The following TSPAN19 variants were observed in gnomAD, a reference collection of about 807,000 sequenced individuals.
TSPAN19 encodes tetraspanin-19.
TSPAN19 carries 44 observed loss-of-function variants against 35.1 expected under a neutral mutation model. The observed-to-expected ratio is 1.25, with a 90% CI of 0.98 to 1.61. The LOEUF (loss-of-function observed/expected upper bound fraction) is 1.61. Among genes scored for constraint, TSPAN19 ranks in the 40% most tolerant of loss-of-function variants. The pLI is 0.00. For missense variants in TSPAN19, 290 were observed against 280.0 expected (o/e 1.04, Z -0.26); for synonymous variants, 79 against 92.0 (o/e 0.86, Z 0.81).
In TSPAN19 at chr12:85,027,835, T is replaced by C. The variant is rs1283518545; in HGVS notation, c.264+64A>G. ...CATGCTAATATAAATCAGTATTCAT[T>C]TGTGTAACTTAGATACTTAAAAATC... On this transcript the variant is annotated intron_variant, in intron 4 of 8. Coordinates refer to ENST00000532498, the MANE Select transcript of TSPAN19 (RefSeq NM_001100917.2). The C allele has an allele frequency of 4.1e-6, 6 of 1,448,356 alleles. No individual in the cohort carries two copies. The Middle Eastern group carries it at 7.3e-4, about 176-fold the overall frequency. The allele number at this position is 1,448,356 out of a possible 1,614,324, so 89.7% of individuals were successfully genotyped here.
At chr12:85,035,995 C>G (rs1209690697) in intron 1 of TSPAN19, among the ~76,000 whole-genome samples, 1 of 151,906 alleles carries the variant, frequency 6.6e-6, no homozygotes, top group Non-Finnish European at 1.5e-5. Flanking sequence ...CTCTTCCATA[C>G]TTCTATGTCC....
chr12:85,030,874 G>A (rs369393418), intron 1 of TSPAN19, among the ~76,000 whole-genome samples: 46 of 152,012 alleles, frequency 3.0e-4, no homozygotes, highest in African/African-American at 1.1e-3. Context: ...TCTTCTCACT[G>A]TTTTAATTCT....
At chr12:85,019,012 C>T (rs1351089290) in intron 6 of TSPAN19, among the ~76,000 whole-genome samples, 1 of 151,834 alleles carries the variant, frequency 6.6e-6, no homozygotes, top group Non-Finnish European at 1.5e-5. Flanking sequence ...CTTACCCTTC[C>T]ACTGCACCTG....
chr12:85,029,341 C>A (rs1877573462), intron 3 of TSPAN19, among the ~76,000 whole-genome samples: 1 of 152,014 alleles, frequency 6.6e-6, no homozygotes, highest in Non-Finnish European at 1.5e-5. Context: ...TGTACATATT[C>A]ATGGGTGTTG....
At chr12:85,027,800 A>C (rs1877486038) in intron 4 of TSPAN19, 99 bp downstream of exon 4, 1 of 1,174,172 alleles carries the variant, frequency 8.5e-7, no homozygotes, top group South Asian at 1.6e-5. Flanking sequence ...GACATACTCT[A>C]CTGCAGTGCC....
In TSPAN19 at chr12:85,014,468, A is replaced by C; in HGVS notation, c.*19T>G. On this transcript the variant is annotated 3_prime_UTR_variant, in exon 9 of 9. Transcript: ENST00000532498. ...TTAAGAATTAACTGGTTTCTTCTGA[A>C]CAAATTGAAATCCAAAGGTCACATT... is the stretch of plus-strand genomic sequence containing the variant. The C allele has an allele frequency of 6.4e-7, 1 of 1,565,272 alleles. No individual in the cohort carries two copies. Among genetic ancestry groups the C allele is most frequent in the Non-Finnish European group, 8.7e-7 (1 of 1,146,150 alleles).
intron 4 of TSPAN19, among the ~76,000 whole-genome samples, chr12:85,024,278 C>G (rs570537301): frequency 4.6e-5 from 7 of 152,144 alleles, no homozygotes; most frequent in Admixed American, 2.6e-4. Flanking sequence ...AATATCTAGC[C>G]ATAAACCTTA....
At chr12:85,023,253 A>C in intron 5 of TSPAN19, 73 bp downstream of exon 5, 1 of 1,266,676 alleles carries the variant, frequency 7.9e-7, no homozygotes, top group Non-Finnish European at 1.1e-6. Flanking sequence ...CAATGGTCTC[A>C]ATACTCTAAG....
chr12:85,027,831 T>G, intron 4 of TSPAN19, 68 bp downstream of exon 4: 1 of 1,422,562 alleles, frequency 7.0e-7, no homozygotes, highest in Admixed American at 2.3e-5. Flanking sequence ...AAATCAGTAT[T>G]CATTTGTGTA....
At position 85,017,506 on chromosome 12, in the gene TSPAN19, T is replaced by C. The variant is rs376490751; in HGVS notation, c.544A>G (p.Thr182Ala). The stretch of plus-strand genomic sequence containing the variant: ...TCATCACAAAACCATTTTCTTAAAG[T>C]TGACTTTGTGCAAGAACATGGCACC... ...GQVPCSCTKS[T>A]LRKWFCDEPL... Residue 182 changes from threonine to alanine, a missense_variant, in exon 7 of 9, where the codon ACT becomes GCT. By Grantham distance (58) the Thr-to-Ala change is moderately conservative. Coordinates refer to ENST00000532498, the MANE Select transcript of TSPAN19 (RefSeq NM_001100917.2). 4.4e-6 allele frequency: 7 copies of C among 1,607,918 alleles called. No homozygotes were observed. In the African/African-American group the frequency reaches 6.7e-5, roughly 15 times the overall value.
intron 3 of TSPAN19, among the ~76,000 whole-genome samples, chr12:85,028,341 T>C (rs1877522870): frequency 6.6e-6 from 1 of 152,242 alleles, no homozygotes; most frequent in South Asian, 2.1e-4. Flanking sequence ...GTCCAATGTA[T>C]ATTCAAACAT....
Position 85,029,787 on chromosome 12 carries a change from A to G in TSPAN19, c.71T>C (p.Leu24Pro). ...ACCAAATCCCATGAATAAAAGTCCA[A>G]GAACCTAAAAAAAGAAAGTCAATGC... The part of the protein sequence containing the change: ...LNLINGAFLV[L>P]GLLFMGFGAW... The change falls in exon 3 of 9, where the codon CTT becomes CCT. Residue 24 changes from leucine to proline, a missense_variant. Leu to Pro is a moderately conservative substitution (Grantham distance 98, BLOSUM62 -3). Coordinates refer to ENST00000532498, the MANE Select transcript of TSPAN19 (RefSeq NM_001100917.2). 1 of 1,541,896 alleles carries G rather than the reference A, an allele frequency of 6.5e-7. No homozygotes were observed. Among genetic ancestry groups the G allele is most frequent in the Non-Finnish European group, 8.7e-7 (1 of 1,144,690 alleles).
chr12:85,024,239 A>G (rs1166372430), intron 4 of TSPAN19, among the ~76,000 whole-genome samples: 1 of 152,188 alleles, frequency 6.6e-6, no homozygotes, highest in Non-Finnish European at 1.5e-5. Flanking sequence ...TTCCAAGAAC[A>G]TCTTATCTGA....
chr12:85,019,691 AC>A lies in TSPAN19; in HGVS notation c.384del (p.Glu128AspfsTer11). On this transcript the variant is annotated frameshift_variant, in exon 6 of 9. Transcript: ENST00000532498. LOFTEE classifies it high-confidence loss of function. ...WHDKIDFVISEYGSKDKPEDI... is the reference protein window; with the variant it reads ...WHDKIDFVISXYGSKDKPEDI... ...TCTTCAGGCTTATCTTTAGATCCAT[AC>A]TCAGAAATGACAAAATCAATTTTGT... The A allele has an allele frequency of 6.2e-7, 1 of 1,609,230 alleles. No individual in the cohort carries two copies. Among genetic ancestry groups the A allele is most frequent in the Non-Finnish European group, 8.5e-7 (1 of 1,177,494 alleles).
intron 4 of TSPAN19, among the ~76,000 whole-genome samples, chr12:85,025,096 T>C (rs374744217): frequency 5.9e-5 from 9 of 151,614 alleles, no homozygotes; most frequent in African/African-American, 1.9e-4. Flanking sequence ...CTTAATCTTA[T>C]ACTAATAAGG....
chr12:85,021,556 A>G (rs998164720), intron 5 of TSPAN19, among the ~76,000 whole-genome samples: 14 of 152,076 alleles, frequency 9.2e-5, no homozygotes, highest in African/African-American at 2.9e-4. Context: ...ATGCATATAA[A>G]TGACAATTTC....
At chr12:85,015,372 CA>C (rs1474848682) in intron 8 of TSPAN19, 2 of 151,916 alleles carry the variant, frequency 1.3e-5, no homozygotes, top group East Asian at 3.9e-4. Context: ...ACATCTAGTA[CA>C]GTACATGACA....
chr12:85,014,553 A>G lies in TSPAN19; in HGVS notation c.681T>C (p.Val227=). 6.3e-7 allele frequency: 1 copy of G among 1,594,400 alleles called. No individual in the cohort carries two copies. Among genetic ancestry groups the G allele is most frequent in the East Asian group, 2.3e-5 (1 of 44,306 alleles). Reference sequence around the variant, plus strand: ...AACAAACTGTTAATGAGACTTGGAAAACCTGGAAGAAAAGGGAACAATAAG... The same window carrying G: ...AACAAACTGTTAATGAGACTTGGAAGACCTGGAAGAAAAGGGAACAATAAG... ...GINFGLLTSE[V]FQVSLTVCFF... is the part of the protein sequence containing the mutation. Residue 227 remains valine (V), a splice_region_variant and synonymous_variant, in exon 9 of 9, where the codon GTT becomes GTC. Coordinates refer to ENST00000532498, the MANE Select transcript of TSPAN19 (RefSeq NM_001100917.2).
intron 1 of TSPAN19, among the ~76,000 whole-genome samples, chr12:85,031,371 CAT>C (rs1332244348): frequency 2.6e-5 from 4 of 152,082 alleles, no homozygotes; most frequent in Non-Finnish European, 5.9e-5. Flanking sequence ...TTTACTACCA[CAT>C]GTGAAAAGCT....
Sources: gnomAD v4.1 joint callset for allele counts (sites outside exome capture counted in the v4.1 genomes callset) on GRCh38, gnomAD v4.1.1 for gene constraint, MANE v1.5 for transcripts, NCBI Gene and HGNC (gene_info 2026-07-23, HGNC 2026-07-21) for gene names.